SMAD5: variants seen among roughly 807,000 people sequenced by gnomAD.
The protein encoded by SMAD5 is MAD, mothers against decapentaplegic homolog 5.
Under a neutral mutation model 43.1 loss-of-function variants are expected in SMAD5, and 9 were observed. The observed-to-expected ratio is 0.21, with a 90% CI of 0.13 to 0.36. SMAD5 has a LOEUF of 0.36. SMAD5 is among the 10% of genes least tolerant of loss of function. SMAD5 has a pLI of 1.00. For missense variants in SMAD5, 348 were observed against 574.0 expected (o/e 0.61, Z 4.02); for synonymous variants, 190 against 192.4 (o/e 0.99, Z 0.10).
At chr5:136,141,086 G>A (rs1753064456) in intron 1 of SMAD5, among the ~76,000 whole-genome samples, 1 of 151,976 alleles carries the variant, frequency 6.6e-6, no homozygotes. Flanking sequence ...GATCAGGGAA[G>A]GTATCTGGGA....
At chr5:136,169,442 A>C (rs916350888) in intron 5 of SMAD5, among the ~76,000 whole-genome samples, 1 of 152,190 alleles carries the variant, frequency 6.6e-6, no homozygotes, top group Non-Finnish European at 1.5e-5. Context: ...CAATCCAATT[A>C]GTTTGACACT....
chr5:136,163,476 G>A (rs1238934162), intron 5 of SMAD5, 85 bp downstream of exon 5: 1 of 1,123,390 alleles, frequency 8.9e-7, no homozygotes, highest in Non-Finnish European at 1.2e-6. Context: ...GCTTTATTGA[G>A]GTATAATTTA....
At chr5:136,165,510 A>G (rs1346215916) in intron 5 of SMAD5, among the ~76,000 whole-genome samples, 1 of 152,010 alleles carries the variant, frequency 6.6e-6, no homozygotes, top group Non-Finnish European at 1.5e-5. Context: ...ATCCATTTCT[A>G]TAGCTCTTTT....
At chr5:136,163,499 T>C (rs1306113580) in intron 5 of SMAD5, 108 bp downstream of exon 5, 5 of 919,114 alleles carry the variant, frequency 5.4e-6, no homozygotes, top group African/African-American at 5.2e-5. Context: ...TGCTATAAAA[T>C]TTTTTTGTTT....
intron 5 of SMAD5, among the ~76,000 whole-genome samples, chr5:136,168,612 A>T (rs1754102469): frequency 6.6e-6 from 1 of 152,150 alleles, no homozygotes. Context: ...AGTGGGGTTC[A>T]TTCTTGGTTT....
chr5:136,162,967 C>T (rs566333518), intron 4 of SMAD5, among the ~76,000 whole-genome samples: 2 of 152,304 alleles, frequency 1.3e-5, no homozygotes, highest in African/African-American at 4.8e-5. Flanking sequence ...TTTCTCTGAA[C>T]ACATAAAAAT....
At chr5:136,144,536 A>C (rs1010103821) in intron 1 of SMAD5, among the ~76,000 whole-genome samples, 1 of 151,748 alleles carries the variant, frequency 6.6e-6, no homozygotes, top group Non-Finnish European at 1.5e-5. Context: ...AGTTCCTTGA[A>C]GCCTATTGAC....
At chr5:136,135,672 T>C (rs1752849367) in intron 1 of SMAD5, among the ~76,000 whole-genome samples, 1 of 152,246 alleles carries the variant, frequency 6.6e-6, no homozygotes, top group Non-Finnish European at 1.5e-5. Flanking sequence ...GAAACTCTTT[T>C]TGTTTATGAC....
chr5:136,171,211 CTA>C lies in SMAD5; in HGVS notation c.776-1221_776-1220del, dbSNP rs201042345. Among the ~76,000 whole-genome samples, 1,265 of 152,308 alleles carry C rather than the reference CTA, an allele frequency of 8.3e-3. 8 individuals carry two copies. Among genetic ancestry groups the C allele is most frequent in the Non-Finnish European group, 0.013 (878 of 68,022 alleles). Reference sequence around the variant, plus strand: ...CGTATCAAGCTGAGGAAGTTCCCCTCTATTCCTAATTTGCTGAGTCTCACTTA... The same window carrying C: ...CGTATCAAGCTGAGGAAGTTCCCCTCTTCCTAATTTGCTGAGTCTCACTTA... On this transcript the variant is annotated intron_variant, in intron 5 of 7. Transcript: ENST00000545279.
intron 3 of SMAD5, among the ~76,000 whole-genome samples, chr5:136,155,843 G>A (rs1753617532): frequency 6.6e-6 from 1 of 152,214 alleles, no homozygotes; most frequent in Non-Finnish European, 1.5e-5. Flanking sequence ...GCTTAGAATA[G>A]TATATTGTTG....
chr5:136,173,757 A>G (rs1754305636), intron 6 of SMAD5, among the ~76,000 whole-genome samples: 1 of 151,914 alleles, frequency 6.6e-6, no homozygotes, highest in Non-Finnish European at 1.5e-5. Context: ...AGCTTTAGTT[A>G]TATAATTTGA....
chr5:136,161,640 T>G (rs1753828812), intron 4 of SMAD5, among the ~76,000 whole-genome samples: 1 of 152,224 alleles, frequency 6.6e-6, no homozygotes, highest in Non-Finnish European at 1.5e-5. Flanking sequence ...TTATCTTTAG[T>G]TAGATAACTG....
Position 136,180,049 on chromosome 5 carries a change from C to G in SMAD5, c.*2569C>G, listed in dbSNP as rs374943339. The G allele has an allele frequency of 6.6e-6, 1 of 152,210 alleles. No homozygotes were observed. The highest frequency in any genetic ancestry group is 2.1e-4 in the South Asian group (1 of 4,826). 9.4% of individuals were successfully genotyped at this position (152,210 alleles called of 1,614,324 possible). ...ATGACAGTACTAAAGCTATTAACAA[C>G]TAAGAGTTTGACAGAGAACTATAAG... On this transcript the variant is annotated 3_prime_UTR_variant, in exon 8 of 8. Coordinates refer to ENST00000545279, the MANE Select transcript of SMAD5 (RefSeq NM_005903.7).
intron 1 of SMAD5, among the ~76,000 whole-genome samples, chr5:136,146,993 A>T (rs555643915): frequency 1.3e-5 from 2 of 151,794 alleles, no homozygotes; most frequent in South Asian, 4.2e-4. Context: ...TGTGGGCAAG[A>T]CTATATATAT....
intron 1 of SMAD5, among the ~76,000 whole-genome samples, chr5:136,144,433 A>G (rs148018337): frequency 4.0e-4 from 61 of 152,102 alleles, no homozygotes; most frequent in African/African-American, 1.4e-3. Flanking sequence ...ATCCCTGATT[A>G]TGTTATTGAA....
chr5:136,162,718 C>T (rs2149774249), intron 4 of SMAD5, among the ~76,000 whole-genome samples: 1 of 152,236 alleles, frequency 6.6e-6, no homozygotes, highest in East Asian at 1.9e-4. Flanking sequence ...CATTTAGTTT[C>T]CTAAGTGAAT....
rs990290648 is a variant in SMAD5, at chr5:136,178,497, C to T, written c.*1017C>T. 5.9e-5 allele frequency: 9 copies of T among 152,378 alleles called. No homozygotes were observed. Among genetic ancestry groups the T allele is most frequent in the African/African-American group, 1.7e-4 (7 of 41,562 alleles). 9.4% of individuals were successfully genotyped at this position (152,378 alleles called of 1,614,324 possible). ...ATGCTTTTTTCTGGTTTTTGTTTTA[C>T]TTTCAACCTAGGTTATAAGACTGTT... On this transcript the variant is annotated 3_prime_UTR_variant, in exon 8 of 8. Transcript: ENST00000545279.
At chr5:136,139,777 C>A (rs1245588776) in intron 1 of SMAD5, among the ~76,000 whole-genome samples, 1 of 152,170 alleles carries the variant, frequency 6.6e-6, no homozygotes, top group Non-Finnish European at 1.5e-5. Flanking sequence ...CTCACTGCTA[C>A]CTTGACCTCT....
At position 136,174,465 on chromosome 5, in the gene SMAD5, C is replaced by T. The variant is rs1754338030; in HGVS notation, c.1087C>T (p.His363Tyr). ...TGTACAGAGTAGGAACTGCAACTTT[C>T]ATCATGGCTTTCATCCCACCACTGT... ...IFVQSRNCNFHHGFHPTTVCK... is the reference protein window; with the variant it reads ...IFVQSRNCNFYHGFHPTTVCK... The change falls in exon 7 of 8, where the codon CAT (histidine) becomes TAT (tyrosine). Residue 363 changes from histidine to tyrosine, a missense_variant. His to Tyr is a moderately conservative substitution (Grantham distance 83). Coordinates refer to ENST00000545279, the MANE Select transcript of SMAD5 (RefSeq NM_005903.7). 1.2e-6 allele frequency: 2 copies of T among 1,613,802 alleles called. No homozygotes were observed. Among genetic ancestry groups the T allele is most frequent in the Admixed American group, 1.7e-5 (1 of 60,004 alleles).
Sources: gnomAD v4.1 joint callset for allele counts (sites outside exome capture counted in the v4.1 genomes callset) on GRCh38, gnomAD v4.1.1 for gene constraint, MANE v1.5 for transcripts, NCBI Gene and HGNC (gene_info 2026-07-23, HGNC 2026-07-21) for gene names.